The following SCN1A variants were observed in gnomAD, a reference collection of about 807,000 sequenced individuals.
SCN1A encodes the protein sodium channel protein type 1 subunit alpha.
In SCN1A, 13 loss-of-function variants were observed where a neutral mutation model predicts 193.7. The ratio of observed to expected loss-of-function variants is 0.07; its 90% CI spans 0.04 to 0.11. The LOEUF (loss-of-function observed/expected upper bound fraction) is 0.11, where lower values mean the gene tolerates loss of function less well. SCN1A is among the 10% of genes least tolerant of loss of function. SCN1A has a pLI of 1.00. For synonymous variants in SCN1A, 781 were observed against 843.6 expected (o/e 0.93, Z 1.29); for missense variants, 1,432 against 2,451.1 (o/e 0.58, Z 8.78).
At position 166,045,159 on chromosome 2, in the gene SCN1A, C is replaced by T. The variant is rs757923791; in HGVS notation, c.1546G>A (p.Asp516Asn). 6 of 1,614,028 alleles carry T rather than the reference C, an allele frequency of 3.7e-6. No individual in the cohort carries two copies. In the East Asian group the frequency reaches 1.1e-4, roughly 30 times the overall value. The change falls in exon 13 of 29, where the codon GAT (aspartate) becomes AAT (asparagine). Residue 516 changes from aspartate to asparagine, a missense_variant. This residue lies in a region of SCN1A where 316 missense variants were observed against 362.1 expected (regional missense o/e 0.87). Transcript: ENST00000674923. ...TCAGATTTTTGGAATTCATCCTCATCTTTCTCTTCCCCACCAGACTGCTCT... is the reference window on the plus strand; with the variant it reads ...TCAGATTTTTGGAATTCATCCTCATTTTTCTCTTCCCCACCAGACTGCTCT... ...QKEQSGGEEKDEDEFQKSESE... is the reference protein window; with the variant it reads ...QKEQSGGEEKNEDEFQKSESE...
intron 1 of SCN1A, among the ~76,000 whole-genome samples, chr2:166,146,186 G>T (rs893327451): frequency 6.6e-6 from 1 of 152,126 alleles, no homozygotes; most frequent in African/African-American, 2.4e-5. Flanking sequence ...ATAAGTTGCA[G>T]AAGGTTTTGG....
At chr2:166,144,622 G>A (rs1182081205) in intron 1 of SCN1A, among the ~76,000 whole-genome samples, 2 of 152,084 alleles carry the variant, frequency 1.3e-5, no homozygotes, top group African/African-American at 4.8e-5. Flanking sequence ...TCTCTCTGAA[G>A]GTCTTAGAGC....
At chr2:166,006,341 G>A (rs1301025782) in intron 23 of SCN1A, among the ~76,000 whole-genome samples, 2 of 151,056 alleles carry the variant, frequency 1.3e-5, no homozygotes, top group African/African-American at 4.8e-5. Flanking sequence ...GACTTTTTCT[G>A]TCTCTCGAAT....
intron 1 of SCN1A, among the ~76,000 whole-genome samples, chr2:166,148,154 C>A (rs1037343747): frequency 6.6e-6 from 1 of 152,202 alleles, no homozygotes. Context: ...AAATGTGCTA[C>A]ATTTGTCTTC....
At chr2:166,120,417 A>G (rs939208842) in intron 2 of SCN1A, among the ~76,000 whole-genome samples, 4 of 150,668 alleles carry the variant, frequency 2.7e-5, no homozygotes, top group African/African-American at 9.8e-5. Flanking sequence ...ATATGTTTGT[A>G]AGGTACTTTT....
chr2:166,012,083 G>T, intron 22 of SCN1A, 26 bp downstream of exon 22: 1 of 1,604,796 alleles, frequency 6.2e-7, no homozygotes, highest in Non-Finnish European at 8.5e-7. Flanking sequence ...ACCTTGAACA[G>T]AGACAAAAAT....
In SCN1A at chr2:166,073,313, C is replaced by T. The variant is rs778124997; in HGVS notation, c.264+45G>A. The T allele has an allele frequency of 2.5e-6, 4 of 1,608,150 alleles. No homozygotes were observed. The East Asian group carries it at 6.7e-5, about 27-fold the overall frequency. On this transcript the variant is annotated intron_variant, in intron 4 of 28. Coordinates refer to ENST00000674923, the MANE Select transcript of SCN1A (RefSeq NM_001165963.4). The stretch of plus-strand genomic sequence containing the variant: ...TGGTGCTACAACAGTCCAAGGAATG[C>T]AGTAGGCAATTAGCAGCAAAATATG...
chr2:166,053,272 T>C lies in SCN1A; in HGVS notation c.603-329A>G, dbSNP rs948148680. 4.3e-5 allele frequency: 26 copies of C among 601,662 alleles called. No homozygotes were observed. The Admixed American group carries it at 5.6e-4, about 13-fold the overall frequency. 37.3% of individuals were successfully genotyped at this position (601,662 alleles called of 1,614,324 possible). On this transcript the variant is annotated intron_variant, in intron 7 of 28. Coordinates refer to ENST00000674923, the MANE Select transcript of SCN1A (RefSeq NM_001165963.4). The stretch of plus-strand genomic sequence containing the variant: ...AGGAATTAGATTCCATCATTAATCT[T>C]TGTTCACATAATTTAAGGCCATTAG...
At chr2:166,142,064 G>A (rs1397045215) in intron 1 of SCN1A, among the ~76,000 whole-genome samples, 1 of 152,164 alleles carries the variant, frequency 6.6e-6, no homozygotes, top group Non-Finnish European at 1.5e-5. Context: ...GGGTGGAGGA[G>A]AAAGAGGAGG....
chr2:166,125,513 C>G (rs955977704), intron 2 of SCN1A, among the ~76,000 whole-genome samples: 21 of 152,194 alleles, frequency 1.4e-4, no homozygotes, highest in African/African-American at 5.1e-4. Flanking sequence ...CAAGCAAGCC[C>G]CAGATTTTCT....
In SCN1A at chr2:166,002,078, G is replaced by A. The variant is rs575469700; in HGVS notation, c.4284+394C>T. Among the ~76,000 whole-genome samples, 61 of 151,600 alleles carry A rather than the reference G, an allele frequency of 4.0e-4. 1 individual carries two copies. Among genetic ancestry groups the A allele is most frequent in the African/African-American group, 1.4e-3 (60 of 41,420 alleles). ...TACAATCCAATTAGGTGTATTAAGTGTATGTGTTTTGGAAGATGATCTATC... is the reference window on the plus strand; with the variant it reads ...TACAATCCAATTAGGTGTATTAAGTATATGTGTTTTGGAAGATGATCTATC... On this transcript the variant is annotated intron_variant, in intron 24 of 28. Coordinates refer to ENST00000674923, the MANE Select transcript of SCN1A (RefSeq NM_001165963.4).
At chr2:166,143,028 G>T (rs10201501) in intron 1 of SCN1A, among the ~76,000 whole-genome samples, 110 of 152,150 alleles carry the variant, frequency 7.2e-4, no homozygotes, top group Non-Finnish European at 1.0e-3. Context: ...ACCCAATCTT[G>T]GGTATGTCTT....
intron 2 of SCN1A, among the ~76,000 whole-genome samples, chr2:166,087,983 G>GA (rs1216718799): frequency 2.6e-5 from 4 of 152,036 alleles, no homozygotes; most frequent in Non-Finnish European, 4.4e-5. Flanking sequence ...CAGAGTAGAA[G>GA]AAAATGGAGG....
intron 4 of SCN1A, among the ~76,000 whole-genome samples, chr2:166,070,158 G>T (rs1574353960): frequency 6.6e-6 from 1 of 152,176 alleles, no homozygotes; most frequent in East Asian, 1.9e-4. Context: ...AAGTGTACAG[G>T]CAACTTATAA....
At chr2:166,037,256 C>T (rs1490048895) in intron 18 of SCN1A, among the ~76,000 whole-genome samples, 2 of 152,112 alleles carry the variant, frequency 1.3e-5, no homozygotes, top group African/African-American at 4.8e-5. Flanking sequence ...AGTGCATCTG[C>T]CATATGACAT....
At chr2:166,046,421 A>G (rs564643712) in intron 12 of SCN1A, among the ~76,000 whole-genome samples, 9 of 152,308 alleles carry the variant, frequency 5.9e-5, no homozygotes, top group Non-Finnish European at 1.0e-4. Context: ...GCAACTCTTC[A>G]TATGATAACC....
At chr2:166,013,041 G>A (rs558514981) in intron 21 of SCN1A, among the ~76,000 whole-genome samples, 34 of 151,242 alleles carry the variant, frequency 2.2e-4, no homozygotes, top group Non-Finnish European at 3.9e-4. Context: ...GGCAAACTCT[G>A]TTTCTCTCTC....
intron 1 of SCN1A, among the ~76,000 whole-genome samples, chr2:166,139,311 C>T (rs1489751359): frequency 6.6e-6 from 1 of 152,162 alleles, no homozygotes; most frequent in Non-Finnish European, 1.5e-5. Flanking sequence ...ACTGAAATCT[C>T]ATCTTGAATT....
Position 165,991,266 on chromosome 2 carries a change from A to AT in SCN1A, c.6008dup (p.Asp2003GlufsTer2). On this transcript the variant is annotated frameshift_variant, in exon 29 of 29. Coordinates refer to ENST00000674923, the MANE Select transcript of SCN1A (RefSeq NM_001165963.4). LOFTEE classifies it high-confidence loss of function. ...TCATTTATTTCCCTTTGGCTTTTTC[A>AT]TCTTTGCCTTCTTGCTCATGTTTTT... 6.2e-7 allele frequency: 1 copy of AT among 1,613,064 alleles called. No homozygotes were observed. Among genetic ancestry groups the AT allele is most frequent in the Non-Finnish European group, 8.5e-7 (1 of 1,179,628 alleles).
Sources: allele counts gnomAD v4.1 joint callset (sites outside exome capture counted in the v4.1 genomes callset), GRCh38; gene constraint gnomAD v4.1.1; regional missense constraint gnomAD v4.1.1; transcripts MANE v1.5; gene names NCBI Gene and HGNC (gene_info 2026-07-23, HGNC 2026-07-21).